PRPS2: variants seen among roughly 807,000 people sequenced by gnomAD.
The protein encoded by PRPS2 is phosphoribosyl pyrophosphate synthetase 2.
For missense variants in PRPS2, 104 were observed against 271.5 expected, an observed-to-expected ratio of 0.38 and a Z score of 4.34; for synonymous variants, 111 against 115.3, an observed-to-expected ratio of 0.96 and a Z score of 0.24.
At chrX:12,796,284 G>C (rs964203277) in intron 1 of PRPS2, among the ~76,000 whole-genome samples, 3 of 99,147 alleles carry the variant, frequency 3.0e-5, no homozygotes, top group Admixed American at 2.3e-4. Context: ...GCAATGGTGC[G>C]ATCCCAGCTC....
In PRPS2 at chrX:12,799,209, T is replaced by C. The variant is rs1294785604; in HGVS notation, c.125T>C (p.Val42Ala). Residue 42 changes from valine to alanine, a missense_variant and splice_region_variant, in exon 2 of 7, where the codon GTG becomes GCG. Physicochemically the swap from Val to Ala is moderately conservative, Grantham distance 64 (BLOSUM62 0). Coordinates refer to ENST00000380668, the MANE Select transcript of PRPS2 (RefSeq NM_002765.5). Reference sequence around the variant, plus strand: ...CGATGGCAGTTTTCTTTTCCTAGCGTGGAGATTGGTGAAAGCGTGAGAGGG... The same window carrying C: ...CGATGGCAGTTTTCTTTTCCTAGCGCGGAGATTGGTGAAAGCGTGAGAGGG... The part of the protein sequence containing the change: ...TKKFSNQETS[V>A]EIGESVRGED... 8.3e-7 allele frequency: 1 copy of C among 1,207,221 alleles called. No homozygotes were observed. The highest frequency in any genetic ancestry group is 1.1e-6 in the Non-Finnish European group (1 of 892,626).
chrX:12,812,350 G>C (rs1025449586), intron 4 of PRPS2, among the ~76,000 whole-genome samples: 6 of 112,171 alleles, frequency 5.3e-5, no homozygotes, highest in Non-Finnish European at 1.1e-4. Flanking sequence ...CAATTGGCCG[G>C]GTGTGGTGAC....
At chrX:12,801,250 G>A (rs867420724) in intron 2 of PRPS2, among the ~76,000 whole-genome samples, 3 of 103,090 alleles carry the variant, frequency 2.9e-5, no homozygotes, top group Non-Finnish European at 5.9e-5. Context: ...GTGTGTGTGT[G>A]TGTATGTGTG....
chrX:12,794,759 T>G (rs189206589), intron 1 of PRPS2, among the ~76,000 whole-genome samples: 5 of 111,889 alleles, frequency 4.5e-5, no homozygotes, highest in African/African-American at 1.6e-4. Flanking sequence ...GGTGATGATA[T>G]TCTCTGTCCT....
intron 5 of PRPS2, among the ~76,000 whole-genome samples, chrX:12,819,938 C>A (rs760933299): frequency 3.6e-5 from 4 of 112,235 alleles, no homozygotes; most frequent in Non-Finnish European, 7.5e-5. Context: ...TTGCACTGAG[C>A]ACGACAGGAA....
At chrX:12,818,977 G>A (rs1376612692) in intron 4 of PRPS2, among the ~76,000 whole-genome samples, 2 of 111,464 alleles carry the variant, frequency 1.8e-5, no homozygotes, top group African/African-American at 6.5e-5. Flanking sequence ...CTACAGGCAC[G>A]ATGCCATGCC....
chrX:12,812,375 C>G (rs986895254), intron 4 of PRPS2, among the ~76,000 whole-genome samples: 2 of 112,045 alleles, frequency 1.8e-5, no homozygotes, highest in Non-Finnish European at 3.8e-5. Context: ...ACTTGTAACC[C>G]CAGCACTTTG....
At chrX:12,803,164 C>A (rs2042578325) in intron 2 of PRPS2, among the ~76,000 whole-genome samples, 1 of 112,296 alleles carries the variant, frequency 8.9e-6, no homozygotes, top group Non-Finnish European at 1.9e-5. Context: ...GGGGAGGCTC[C>A]TCCTTCCTTG....
chrX:12,802,877 GA>G (rs1569094922), intron 2 of PRPS2, among the ~76,000 whole-genome samples: 1 of 112,250 alleles, frequency 8.9e-6, no homozygotes, highest in East Asian at 2.8e-4. Flanking sequence ...GCTGATAGAA[GA>G]GAGGTCTTTC....
intron 2 of PRPS2, 53 bp from the exon 3 acceptor site, chrX:12,809,181 A>G: frequency 2.8e-6 from 3 of 1,061,399 alleles, no homozygotes; most frequent in Non-Finnish European, 2.6e-6. Context: ...TAGTGGGAGG[A>G]ATCTAACAGT....
At chrX:12,801,442 C>T (rs2147216281) in intron 2 of PRPS2, among the ~76,000 whole-genome samples, 1 of 112,127 alleles carries the variant, frequency 8.9e-6, no homozygotes, top group South Asian at 3.7e-4. Context: ...TTGGTATAAT[C>T]TGTTGTCTTA....
chrX:12,794,078 TAAATA>T (rs1263680306), intron 1 of PRPS2, among the ~76,000 whole-genome samples: 1 of 112,618 alleles, frequency 8.9e-6, no homozygotes, highest in Non-Finnish European at 1.9e-5. Context: ...TACCATGTAA[TAAATA>T]AAGAGCTTAA....
intron 4 of PRPS2, among the ~76,000 whole-genome samples, chrX:12,818,366 C>CAAAAAAAA (rs35450855): frequency 1.6e-5 from 1 of 62,914 alleles, no homozygotes; most frequent in Non-Finnish European, 3.0e-5. Flanking sequence ...GAAACTGTCT[C>CAAAAAAAA]AAAAAAAAAA....
At chrX:12,819,305 C>CTG (rs1212058134) in intron 4 of PRPS2, among the ~76,000 whole-genome samples, 1 of 112,217 alleles carries the variant, frequency 8.9e-6, no homozygotes, top group Non-Finnish European at 1.9e-5. Context: ...TCCTAGCTGC[C>CTG]CCAATTGCAA....
At chrX:12,819,020 A>G (rs897630205) in intron 4 of PRPS2, among the ~76,000 whole-genome samples, 1 of 112,005 alleles carries the variant, frequency 8.9e-6, no homozygotes, top group African/African-American at 3.3e-5. Context: ...TTTGCCTTAG[A>G]TGAGCAGAGG....
At chrX:12,808,146 C>T (rs1007787805) in intron 2 of PRPS2, among the ~76,000 whole-genome samples, 5 of 111,259 alleles carry the variant, frequency 4.5e-5, no homozygotes, top group Non-Finnish European at 7.5e-5. Flanking sequence ...AGATTACAGG[C>T]GTGAGCCACC....
At chrX:12,811,091 G>A (rs1200427205) in intron 4 of PRPS2, among the ~76,000 whole-genome samples, 1 of 112,194 alleles carries the variant, frequency 8.9e-6, no homozygotes, top group Non-Finnish European at 1.9e-5. Flanking sequence ...CTAGCTGCTC[G>A]GTGAGTGCTC....
intron 2 of PRPS2, among the ~76,000 whole-genome samples, chrX:12,808,935 A>G: frequency 8.9e-6 from 1 of 111,946 alleles, no homozygotes; most frequent in Middle Eastern, 4.6e-3. Context: ...CACACTTACC[A>G]TGATTTCAGT....
intron 3 of PRPS2, 42 bp from the exon 4 acceptor site, chrX:12,809,970 GAAAACAAAAC>G: frequency 2.3e-6 from 2 of 870,375 alleles, no homozygotes; most frequent in East Asian, 3.3e-5. Flanking sequence ...AAAAACAAAA[GAAAACAAAAC>G]AAAACAAAAC....
Sources: allele counts gnomAD v4.1 joint callset (sites outside exome capture counted in the v4.1 genomes callset), GRCh38; gene constraint gnomAD v4.1.1; transcripts MANE v1.5; gene names NCBI Gene and HGNC (gene_info 2026-07-23, HGNC 2026-07-21).